WNT5B: variants seen among roughly 807,000 people sequenced by gnomAD.
WNT5B encodes Wnt family member 5B, also known as protein Wnt-5b.
Under a neutral mutation model 36.5 loss-of-function variants are expected in WNT5B, and 18 were observed. The observed-to-expected ratio is 0.49, with a 90% CI of 0.34 to 0.73. WNT5B has a LOEUF of 0.73. Among genes scored for constraint, WNT5B ranks in the 30% least tolerant of loss-of-function variants. WNT5B has a pLI of 0.01. For synonymous variants in WNT5B, 213 were observed against 212.3 expected (o/e 1.00, Z -0.03); for missense variants, 424 against 508.4 (o/e 0.83, Z 1.60).
At chr12:1,636,038 C>T (rs1359649855) in intron 3 of WNT5B, among the ~76,000 whole-genome samples, 2 of 152,236 alleles carry the variant, frequency 1.3e-5, no homozygotes, top group East Asian at 1.9e-4. Context: ...TTTCTACCTT[C>T]CAAGACAAGA....
chr12:1,627,804 G>C (rs1433994596), upstream of WNT5B, among the ~76,000 whole-genome samples: 1 of 152,098 alleles, frequency 6.6e-6, no homozygotes, highest in African/African-American at 2.4e-5. This position sits in a 1 kb window ranked among gnomAD's most constrained non-coding sequence, Gnocchi z 5.0. Flanking sequence ...TCAGAGAGTA[G>C]TCTTCCCAAG....
Position 1,640,179 on chromosome 12 carries a change from TTTCTTTTCTTTTC to T in WNT5B, c.621+216_621+228del, listed in dbSNP as rs572572572. Among the ~76,000 whole-genome samples, 17 of 152,346 alleles carry T rather than the reference TTTCTTTTCTTTTC, an allele frequency of 1.1e-4. No homozygotes were observed. In the East Asian group the frequency reaches 2.7e-3, roughly 24 times the overall value. ...CACTTCCCAATGGGCATACGTGCTTTTTCTTTTCTTTTCTTCTTTTCTTTTTACTTACTTTATT... is the reference window on the plus strand; with the variant it reads ...CACTTCCCAATGGGCATACGTGCTTTTTCTTTTCTTTTTACTTACTTTATT... On this transcript the variant is annotated intron_variant, in intron 4 of 4. Transcript: ENST00000397196.
At chr12:1,622,875 T>C (rs932004767) in intron 1 of WNT5B, among the ~76,000 whole-genome samples, 1 of 152,196 alleles carries the variant, frequency 6.6e-6, no homozygotes, top group Admixed American at 6.5e-5. Context: ...AATAGAATGA[T>C]GCTGCTGGGG....
At position 1,633,868 on chromosome 12, in the gene WNT5B, C is replaced by G. The variant is rs1415324178; in HGVS notation, c.328+963C>G. On this transcript the variant is annotated intron_variant, in intron 3 of 4. Transcript: ENST00000397196. The surrounding 1 kb of genome is among the most constrained non-coding windows in gnomAD (Gnocchi z 4.8). ...AGGATACTTGGAAGGCTCCTTCCCCCTCCCACTTATTCCAGACCTCTTTCC... is the reference window on the plus strand; with the variant it reads ...AGGATACTTGGAAGGCTCCTTCCCCGTCCCACTTATTCCAGACCTCTTTCC... Among the ~76,000 whole-genome samples the G allele has an allele frequency of 1.3e-5, 2 of 149,956 alleles. No individual in the cohort carries two copies. Among genetic ancestry groups the G allele is most frequent in the Admixed American group, 1.3e-4 (2 of 15,138 alleles).
chr12:1,639,432 G>C lies in WNT5B; in HGVS notation c.329-252G>C, dbSNP rs375485212. 2.6e-3 allele frequency among the ~76,000 whole-genome samples: 391 copies of C among 151,788 alleles called. 2 individuals carry two copies. Among genetic ancestry groups the C allele is most frequent in the African/African-American group, 8.6e-3 (355 of 41,348 alleles). On this transcript the variant is annotated intron_variant, in intron 3 of 4. Coordinates refer to ENST00000397196, the MANE Select transcript of WNT5B (RefSeq NM_032642.3). ...GGATTACGGGCTGAGCCACCGCGCCGGGCCAGGGACTTGTTTTCTTCCGGG... is the reference window on the plus strand; with the variant it reads ...GGATTACGGGCTGAGCCACCGCGCCCGGCCAGGGACTTGTTTTCTTCCGGG...
chr12:1,628,939 G>A (rs3803166), upstream of WNT5B, among the ~76,000 whole-genome samples: 7,962 of 151,988 alleles, frequency 0.052, 300 homozygotes, highest in East Asian at 0.13. Flanking sequence ...GTGTGTGCAC[G>A]CGCGCGTGCA....
rs1010778672 is a variant in WNT5B, at chr12:1,618,198, A to G, written c.-58+1055A>G. 2.0e-5 allele frequency among the ~76,000 whole-genome samples: 3 copies of G among 152,278 alleles called. No individual in the cohort carries two copies. The highest frequency in any genetic ancestry group is 6.5e-5 in the Admixed American group (1 of 15,296). On this transcript the variant is annotated intron_variant, in intron 1 of 4. Coordinates refer to the WNT5B transcript ENST00000310594. This position sits in a 1 kb window ranked among gnomAD's most constrained non-coding sequence, Gnocchi z 4.1. ...TGGTGATCCTGGTTTTAAAAGTTGC[A>G]TGGTTTCCCCAGGTCCTTTAAAAAT...
chr12:1,622,976 C>T (rs995120791), intron 1 of WNT5B, among the ~76,000 whole-genome samples: 1 of 152,006 alleles, frequency 6.6e-6, no homozygotes, highest in African/African-American at 2.4e-5. Flanking sequence ...AGAGGAGAAA[C>T]CATTCCCAGA....
In WNT5B at chr12:1,644,617, T is replaced by C. The variant is rs531632543; in HGVS notation, c.622-1177T>C. ...AAATCTAAGAGAAACCCTTGAAAAA[T>C]GAGTCCTGACTCAGTTGGTGACAAT... On this transcript the variant is annotated intron_variant, in intron 4 of 4. Coordinates refer to ENST00000397196, the MANE Select transcript of WNT5B (RefSeq NM_032642.3). The surrounding 1 kb of genome is among the most constrained non-coding windows in gnomAD (Gnocchi z 5.1). Among the ~76,000 whole-genome samples the C allele has an allele frequency of 4.1e-4, 62 of 152,236 alleles. No homozygotes were observed. In the South Asian group the frequency reaches 6.0e-3, roughly 15 times the overall value.
At chr12:1,627,076 A>G (rs2094542299), upstream of WNT5B, among the ~76,000 whole-genome samples, 1 of 152,202 alleles carries the variant, frequency 6.6e-6, no homozygotes, top group Admixed American at 6.5e-5. This position sits in a 1 kb window ranked among gnomAD's most constrained non-coding sequence, Gnocchi z 5.0. Context: ...TGAGCACGCC[A>G]CACTATTCCA....
At chr12:1,637,775 A>C (rs2094564934) in intron 3 of WNT5B, among the ~76,000 whole-genome samples, 1 of 152,028 alleles carries the variant, frequency 6.6e-6, no homozygotes, top group Non-Finnish European at 1.5e-5. Context: ...TTATGTTTAC[A>C]CTATTCTATA....
At chr12:1,643,836 T>A (rs566970960) in intron 4 of WNT5B, among the ~76,000 whole-genome samples, 5 of 151,240 alleles carry the variant, frequency 3.3e-5, no homozygotes, top group African/African-American at 1.2e-4. Flanking sequence ...ATAAAATCAG[T>A]AGTAAAATAT....
chr12:1,632,996 G>A lies in WNT5B; in HGVS notation c.328+91G>A. 4.6e-6 allele frequency: 7 copies of A among 1,509,282 alleles called. No homozygotes were observed. Among genetic ancestry groups the A allele is most frequent in the Non-Finnish European group, 5.3e-6 (6 of 1,129,664 alleles). 93.5% of individuals were successfully genotyped at this position (1,509,282 alleles called of 1,614,324 possible). ...CTCTCTCAGGACTGGCACAGGGAGAGCCCAAAGGCAGCCTAAGTGGGCTCT... is the reference window on the plus strand; with the variant it reads ...CTCTCTCAGGACTGGCACAGGGAGAACCCAAAGGCAGCCTAAGTGGGCTCT... On this transcript the variant is annotated intron_variant, in intron 3 of 4. Coordinates refer to ENST00000397196, the MANE Select transcript of WNT5B (RefSeq NM_032642.3). This position sits in a 1 kb window ranked among gnomAD's most constrained non-coding sequence, Gnocchi z 5.8.
At position 1,639,861 on chromosome 12, in the gene WNT5B, AC is replaced by A. The variant is rs1387960028; in HGVS notation, c.508del (p.Arg170AlafsTer28). 8 of 1,613,916 alleles carry A rather than the reference AC, an allele frequency of 5.0e-6. No homozygotes were observed. Among genetic ancestry groups the A allele is most frequent in the Non-Finnish European group, 6.8e-6 (8 of 1,179,940 alleles). On this transcript the variant is annotated frameshift_variant, in exon 4 of 5. Coordinates refer to ENST00000397196, the MANE Select transcript of WNT5B (RefSeq NM_032642.3). LOFTEE classifies it high-confidence loss of function. ...GGCGDNVEYG[Y>X]RFAKEFVDAR... ...TGTGGGGACAACGTGGAGTACGGCTACCGCTTCGCCAAGGAGTTTGTGGATG... is the reference window on the plus strand; with the variant it reads ...TGTGGGGACAACGTGGAGTACGGCTACGCTTCGCCAAGGAGTTTGTGGATG...
Position 1,646,176 on chromosome 12 carries a change from A to G in WNT5B, c.1004A>G (p.His335Arg). 1 of 1,613,858 alleles carries G rather than the reference A, an allele frequency of 6.2e-7. No homozygotes were observed. Among genetic ancestry groups the G allele is most frequent in the Middle Eastern group, 1.6e-4 (1 of 6,062 alleles). The change falls in exon 5 of 5, where the codon CAC becomes CGC. Residue 335 changes from histidine to arginine, a missense_variant. By Grantham distance (29) the His-to-Arg change is conservative. Transcript: ENST00000397196. ...QFKSVQVERC[H>R]CKFHWCCFVR... Reference sequence around the variant, plus strand: ...AAGAGCGTGCAGGTGGAGCGCTGCCACTGCAAGTTCCACTGGTGCTGCTTC... The same window carrying G: ...AAGAGCGTGCAGGTGGAGCGCTGCCGCTGCAAGTTCCACTGGTGCTGCTTC...
chr12:1,632,529 A>AT lies in WNT5B; in HGVS notation c.81-124dup. 7.3e-7 allele frequency: 1 copy of AT among 1,364,698 alleles called. No homozygotes were observed. The highest frequency in any genetic ancestry group is 9.9e-7 in the Non-Finnish European group (1 of 1,010,882). The allele number at this position is 1,364,698 out of a possible 1,614,324, so 84.5% of individuals were successfully genotyped here. ...TGAAGGCCAGCACTCTGATTTACTA[A>AT]TTTTTCTTTCCAGGGCCTTGTACAC... On this transcript the variant is annotated intron_variant, in intron 2 of 4. Transcript: ENST00000397196. The surrounding 1 kb of genome is among the most constrained non-coding windows in gnomAD (Gnocchi z 5.8).
At chr12:1,638,140 G>A (rs569463378) in intron 3 of WNT5B, among the ~76,000 whole-genome samples, 2 of 152,244 alleles carry the variant, frequency 1.3e-5, no homozygotes, top group South Asian at 2.1e-4. Flanking sequence ...CCCATATACC[G>A]GAGGCTGAGA....
rs1403229213 is a variant in WNT5B at position 1,646,116 on chromosome 12, A to G, written c.944A>G (p.Glu315Gly). Residue 315 changes from glutamate to glycine, a missense_variant, in exon 5 of 5, where the codon GAG becomes GGG. By Grantham distance (98) the Glu-to-Gly change is moderately conservative. Transcript: ENST00000397196. ...ACCTCGGAGGGCATGGATGGCTGTGAGCTCATGTGCTGCGGGCGTGGCTAC... is the reference window on the plus strand; with the variant it reads ...ACCTCGGAGGGCATGGATGGCTGTGGGCTCATGTGCTGCGGGCGTGGCTAC... ...NKTSEGMDGC[E>G]LMCCGRGYNQ... 4 of 1,613,972 alleles carry G rather than the reference A, an allele frequency of 2.5e-6. No individual in the cohort carries two copies. Among genetic ancestry groups the G allele is most frequent in the Non-Finnish European group, 3.4e-6 (4 of 1,180,042 alleles).
chr12:1,627,474 A>G (rs980536438), upstream of WNT5B, among the ~76,000 whole-genome samples: 2 of 152,176 alleles, frequency 1.3e-5, no homozygotes, highest in African/African-American at 4.8e-5. This position sits in a 1 kb window ranked among gnomAD's most constrained non-coding sequence, Gnocchi z 5.0. Flanking sequence ...CACTGCTCTG[A>G]AGTATGGTGG....
Sources: gnomAD v4.1 joint callset for allele counts (sites outside exome capture counted in the v4.1 genomes callset) on GRCh38, gnomAD v4.1.1 for gene constraint, Gnocchi (gnomAD v3.1) non-coding constraint, MANE v1.5 for transcripts, NCBI Gene and HGNC (gene_info 2026-07-23, HGNC 2026-07-21) for gene names.